Variants in MATN2 observed in about 807,000 individuals in gnomAD.
MATN2 encodes matrilin-2.
A neutral mutation model predicts 103.2 loss-of-function variants in MATN2; 69 were observed. The observed-to-expected ratio is 0.67, with a 90% CI of 0.55 to 0.82. The LOEUF is 0.82. Among genes scored for constraint, MATN2 ranks in the 40% least tolerant of loss-of-function variants. The pLI is 0.00. For synonymous variants in MATN2, 429 were observed against 450.2 expected (o/e 0.95, Z 0.60); for missense variants, 1,023 against 1,211.5 (o/e 0.84, Z 2.31).
chr8:97,905,436 T>C (rs981363670), intron 2 of MATN2, among the ~76,000 whole-genome samples: 17 of 152,316 alleles, frequency 1.1e-4, no homozygotes, highest in East Asian at 1.9e-4. Context: ...TTTTTCTCTA[T>C]GAATTTGCCT....
intron 6 of MATN2, among the ~76,000 whole-genome samples, chr8:97,991,488 G>A (rs1365301617): frequency 5.9e-5 from 9 of 152,158 alleles, no homozygotes; most frequent in South Asian, 4.1e-4. Flanking sequence ...TTGAGAGGCC[G>A]AGGCGAGTGG....
intron 4 of MATN2, among the ~76,000 whole-genome samples, chr8:97,957,143 A>C (rs1032843445): frequency 6.6e-5 from 10 of 152,112 alleles, no homozygotes; most frequent in Non-Finnish European, 1.3e-4. Flanking sequence ...AGCCAACTTG[A>C]AGGAGGCTTC....
At chr8:97,975,429 C>T (rs565207319) in intron 5 of MATN2, among the ~76,000 whole-genome samples, 18 of 152,256 alleles carry the variant, frequency 1.2e-4, no homozygotes, top group Admixed American at 5.9e-4. Flanking sequence ...GTCTAAATTA[C>T]GGGGCCAGCA....
intron 4 of MATN2, among the ~76,000 whole-genome samples, chr8:97,956,343 A>G (rs1301365753): frequency 2.0e-5 from 3 of 152,014 alleles, no homozygotes; most frequent in Non-Finnish European, 4.4e-5. Context: ...ACATCTGGCT[A>G]ATTTTGTATT....
At chr8:97,978,786 A>G in intron 5 of MATN2, 100 bp from the exon 6 acceptor site, 1 of 1,138,802 alleles carries the variant, frequency 8.8e-7, no homozygotes, top group South Asian at 1.3e-5. Flanking sequence ...GGGCAATAAT[A>G]TTAATCCTAA....
chr8:97,986,450 C>T (rs1451613229), intron 6 of MATN2, among the ~76,000 whole-genome samples: 3 of 152,142 alleles, frequency 2.0e-5, no homozygotes, highest in Non-Finnish European at 4.4e-5. Context: ...TCACCATCCT[C>T]CCACCCCAAG....
intron 18 of MATN2, chr8:98,033,879 T>A (rs1226923647): frequency 1.9e-6 from 1 of 533,156 alleles, no homozygotes; most frequent in East Asian, 3.1e-5. Context: ...TTAGTTGCCA[T>A]CGGCTGTTCT....
chr8:98,027,602 G>A lies in MATN2; in HGVS notation c.2129G>A (p.Arg710Lys). The change falls in exon 14 of 19, where the codon AGA becomes AAA. Residue 710 changes from arginine (R) to lysine (K), a missense_variant. Physicochemically the swap from Arg to Lys is conservative, Grantham distance 26. Coordinates refer to ENST00000254898, the MANE Select transcript of MATN2 (RefSeq NM_002380.5). ...CAGGTCCACACAGAGTTCACTCTGA[G>A]AAACTTCAACTCAGCCAAAGACATG... ...STQVHTEFTL[R>K]NFNSAKDMKK... is the part of the protein sequence containing the mutation. 1 of 1,613,766 alleles carries A rather than the reference G, an allele frequency of 6.2e-7. No homozygotes were observed. The highest frequency in any genetic ancestry group is 8.5e-7 in the Non-Finnish European group (1 of 1,179,764).
At chr8:97,962,594 C>A (rs1181402974) in intron 5 of MATN2, among the ~76,000 whole-genome samples, 3 of 152,288 alleles carry the variant, frequency 2.0e-5, no homozygotes, top group African/African-American at 7.2e-5. Context: ...CAGCTGGTCT[C>A]CTGGGCCTTA....
chr8:97,998,348 G>A (rs369184128), intron 7 of MATN2, among the ~76,000 whole-genome samples: 5 of 150,084 alleles, frequency 3.3e-5, no homozygotes, highest in African/African-American at 4.9e-5. Context: ...GTGAAACCCC[G>A]TCTCTACTAA....
Position 98,027,587 on chromosome 8 carries a change from C to T in MATN2, c.2114C>T (p.Thr705Ile), listed in dbSNP as rs371472415. The T allele has an allele frequency of 6.2e-7, 1 of 1,613,892 alleles. No homozygotes were observed. Among genetic ancestry groups the T allele is most frequent in the South Asian group, 1.1e-5 (1 of 91,066 alleles). ...CTCCAGTATTCCACACAGGTCCACA[C>T]AGAGTTCACTCTGAGAAACTTCAAC... ...GLLQYSTQVH[T>I]EFTLRNFNSA... The change falls in exon 14 of 19, where the codon ACA (threonine) becomes ATA (isoleucine). Residue 705 changes from threonine (T) to isoleucine (I), a missense_variant. Physicochemically the swap from Thr to Ile is moderately conservative, Grantham distance 89. Coordinates refer to ENST00000254898, the MANE Select transcript of MATN2 (RefSeq NM_002380.5).
chr8:97,994,188 G>T (rs906418205), intron 6 of MATN2, among the ~76,000 whole-genome samples: 1 of 137,270 alleles, frequency 7.3e-6, no homozygotes, highest in African/African-American at 2.7e-5. Context: ...GAGGAGGAGG[G>T]AGGGGGGAAG....
At chr8:97,992,100 A>G (rs1162318048) in intron 6 of MATN2, among the ~76,000 whole-genome samples, 1 of 152,222 alleles carries the variant, frequency 6.6e-6, no homozygotes, top group Non-Finnish European at 1.5e-5. Flanking sequence ...TAAACTTATG[A>G]AATTTATAAC....
chr8:98,032,903 C>G (rs1362957929), intron 16 of MATN2, 139 bp from the exon 17 acceptor site: 6 of 613,128 alleles, frequency 9.8e-6, no homozygotes, highest in African/African-American at 2.0e-5. Flanking sequence ...CTGAAGATAA[C>G]AGTCTTTTTG....
intron 6 of MATN2, among the ~76,000 whole-genome samples, chr8:97,990,755 G>T (rs1268937734): frequency 6.6e-6 from 1 of 152,148 alleles, no homozygotes; most frequent in Non-Finnish European, 1.5e-5. Flanking sequence ...TTTATTTAAA[G>T]TTCCTTGGGG....
intron 18 of MATN2, among the ~76,000 whole-genome samples, chr8:98,033,936 A>C (rs914047094): frequency 6.6e-6 from 1 of 152,158 alleles, no homozygotes; most frequent in Non-Finnish European, 1.5e-5. Context: ...AAAGTAAGGA[A>C]AAAAGAGACA....
chr8:97,965,591 T>C (rs929160999), intron 5 of MATN2, among the ~76,000 whole-genome samples: 13 of 152,208 alleles, frequency 8.5e-5, no homozygotes, highest in Admixed American at 3.3e-4. Flanking sequence ...CCTAGTACTT[T>C]GGGAGGCCAA....
intron 1 of MATN2, among the ~76,000 whole-genome samples, chr8:97,875,020 T>G (rs1440319982): frequency 2.0e-5 from 3 of 152,146 alleles, no homozygotes; most frequent in African/African-American, 7.2e-5. Context: ...CTGGCCCCTC[T>G]TCTACTTTTG....
intron 4 of MATN2, among the ~76,000 whole-genome samples, chr8:97,954,590 G>A (rs192530798): frequency 9.2e-5 from 14 of 152,308 alleles, no homozygotes; most frequent in Non-Finnish European, 8.8e-5. Context: ...GAGTCAGTAC[G>A]AGCTGCCTCT....
Sources: allele counts gnomAD v4.1 joint callset (sites outside exome capture counted in the v4.1 genomes callset), GRCh38; gene constraint gnomAD v4.1.1; transcripts MANE v1.5; gene names NCBI Gene and HGNC (gene_info 2026-07-23, HGNC 2026-07-21).